Variants in CYP2C18 observed in about 807,000 individuals in gnomAD.
The protein encoded by CYP2C18 is cytochrome P450 2C18.
A neutral mutation model predicts 41.3 loss-of-function variants in CYP2C18; 38 were observed. The observed-to-expected ratio is 0.92, with a 90% CI of 0.71 to 1.21. The LOEUF is 1.21. Ranked by LOEUF, CYP2C18 falls within the 50% of genes most tolerant of loss-of-function variation. The pLI is 0.00. For synonymous variants in CYP2C18, 236 were observed against 210.0 expected (o/e 1.12, Z -1.07); for missense variants, 635 against 591.4 (o/e 1.07, Z -0.77).
rs1225098595 is a variant in CYP2C18, at chr10:94,706,815, A to G, written c.674A>G (p.Tyr225Cys). The part of the protein sequence containing the change: ...VCNNFPALID[Y>C]LPGSHNKIAE... ...AATAATTTCCCTGCTCTCATCGATT[A>G]TCTCCCAGGAAGTCATAATAAAATA... The change falls in exon 5 of 9, where the codon TAT becomes TGT. Residue 225 changes from tyrosine (Y) to cysteine (C), a missense_variant. Transcript: ENST00000285979. The G allele has an allele frequency of 3.7e-6, 6 of 1,601,008 alleles. No homozygotes were observed. Among genetic ancestry groups the G allele is most frequent in the Non-Finnish European group, 5.1e-6 (6 of 1,171,390 alleles).
chr10:94,692,896 T>C (rs1161194508), intron 3 of CYP2C18, among the ~76,000 whole-genome samples: 1 of 151,880 alleles, frequency 6.6e-6, no homozygotes, highest in Non-Finnish European at 1.5e-5. Context: ...CTGGAAACCA[T>C]CATTCTGAGC....
rs117634501 is a variant in CYP2C18, at chr10:94,685,234, A to G, written c.168+1247A>G. Reference sequence around the variant, plus strand: ...TGCTTTGTAGAGATGTGGTCTCATTATGTTGTCCAGGCTGGTCTTGAACTC... The same window carrying G: ...TGCTTTGTAGAGATGTGGTCTCATTGTGTTGTCCAGGCTGGTCTTGAACTC... On this transcript the variant is annotated intron_variant, in intron 1 of 8. Coordinates refer to ENST00000285979, the MANE Select transcript of CYP2C18 (RefSeq NM_000772.3). Among the ~76,000 whole-genome samples, 871 of 152,102 alleles carry G rather than the reference A, an allele frequency of 5.7e-3. 5 individuals carry two copies. Among genetic ancestry groups the G allele is most frequent in the Non-Finnish European group, 9.9e-3 (675 of 67,978 alleles).
intron 8 of CYP2C18, among the ~76,000 whole-genome samples, chr10:94,734,396 A>G (rs1301759943): frequency 6.6e-6 from 1 of 152,136 alleles, no homozygotes. Context: ...GCCTTCTTTT[A>G]AGGATTTCAC....
chr10:94,701,635 AAG>A (rs1847247694), intron 4 of CYP2C18, among the ~76,000 whole-genome samples: 1 of 152,210 alleles, frequency 6.6e-6, no homozygotes, highest in African/African-American at 2.4e-5. Flanking sequence ...TAATTAAAAA[AAG>A]AAATTCCTCT....
intron 4 of CYP2C18, among the ~76,000 whole-genome samples, chr10:94,698,331 T>C (rs1398601608): frequency 6.6e-6 from 1 of 152,106 alleles, no homozygotes; most frequent in East Asian, 1.9e-4. Context: ...AGAAACTCAC[T>C]CAAAACCCCT....
chr10:94,707,921 A>T (rs1847370761), intron 5 of CYP2C18, among the ~76,000 whole-genome samples: 1 of 152,096 alleles, frequency 6.6e-6, no homozygotes, highest in Non-Finnish European at 1.5e-5. Flanking sequence ...GGTAGGGTCA[A>T]TATGGAAACT....
chr10:94,725,392 A>G (rs1364281868), intron 7 of CYP2C18, among the ~76,000 whole-genome samples: 4 of 151,824 alleles, frequency 2.6e-5, no homozygotes, highest in East Asian at 1.9e-4. Flanking sequence ...TGTAATTTCT[A>G]TGTATTCTGT....
intron 5 of CYP2C18, among the ~76,000 whole-genome samples, chr10:94,708,039 A>G (rs1374768840): frequency 6.6e-6 from 1 of 152,220 alleles, no homozygotes; most frequent in Non-Finnish European, 1.5e-5. Flanking sequence ...TCTAGAGAAT[A>G]AAATCTTTCC....
chr10:94,697,524 A>T (rs1847141064), intron 4 of CYP2C18, among the ~76,000 whole-genome samples: 1 of 152,224 alleles, frequency 6.6e-6, no homozygotes, highest in Admixed American at 6.5e-5. Context: ...CACTGCAAAA[A>T]CATACCAAAT....
intron 4 of CYP2C18, among the ~76,000 whole-genome samples, chr10:94,695,383 A>G (rs182691923): frequency 1.5e-4 from 23 of 152,130 alleles, no homozygotes; most frequent in Admixed American, 1.4e-3. Flanking sequence ...AAGAGTGAAA[A>G]CATGCAGTGT....
Position 94,730,707 on chromosome 10 carries a change from G to A in CYP2C18, c.1150-2590G>A, listed in dbSNP as rs538562295. ...ATCAGGCAAGAGGAAGAAAGAAAACGTATTCAAATAGGAAAAGAATAAATC... is the reference window on the plus strand; with the variant it reads ...ATCAGGCAAGAGGAAGAAAGAAAACATATTCAAATAGGAAAAGAATAAATC... On this transcript the variant is annotated intron_variant, in intron 7 of 8. Transcript: ENST00000285979. 3.9e-5 allele frequency among the ~76,000 whole-genome samples: 6 copies of A among 152,184 alleles called. No individual in the cohort carries two copies. In the East Asian group the frequency reaches 5.8e-4, roughly 15 times the overall value.
At chr10:94,732,724 G>C (rs1340197531) in intron 7 of CYP2C18, among the ~76,000 whole-genome samples, 1 of 151,968 alleles carries the variant, frequency 6.6e-6, no homozygotes, top group Non-Finnish European at 1.5e-5. Flanking sequence ...ACCAAATATT[G>C]TACGTTCTCA....
intron 3 of CYP2C18, among the ~76,000 whole-genome samples, chr10:94,694,026 A>T (rs1360023709): frequency 6.6e-6 from 1 of 152,172 alleles, no homozygotes. Flanking sequence ...TGATGGAATT[A>T]CCTAAATGAT....
chr10:94,730,460 A>C (rs1847808415), intron 7 of CYP2C18, among the ~76,000 whole-genome samples: 1 of 152,128 alleles, frequency 6.6e-6, no homozygotes, highest in Admixed American at 6.6e-5. Flanking sequence ...TACATCCAGA[A>C]CTCTGTACAG....
intron 5 of CYP2C18, among the ~76,000 whole-genome samples, chr10:94,712,158 A>ATT (rs201742942): frequency 0.17 from 23,444 of 141,878 alleles, 2,042 homozygotes; most frequent in South Asian, 0.32. Flanking sequence ...TCTTTTTCCA[A>ATT]TTTTTTTTTT....
chr10:94,701,505 T>G (rs941370378), intron 4 of CYP2C18, among the ~76,000 whole-genome samples: 9 of 152,056 alleles, frequency 5.9e-5, no homozygotes, highest in Non-Finnish European at 2.9e-5. Context: ...CATTAGGAGA[T>G]ACACCTAATG....
chr10:94,700,935 A>C (rs7923324), intron 4 of CYP2C18, among the ~76,000 whole-genome samples: 1 of 151,954 alleles, frequency 6.6e-6, no homozygotes, highest in Non-Finnish European at 1.5e-5. Flanking sequence ...TCTCACACCA[A>C]TTAGAATGGT....
chr10:94,725,430 T>G (rs1847723266), intron 7 of CYP2C18, among the ~76,000 whole-genome samples: 1 of 152,066 alleles, frequency 6.6e-6, no homozygotes, highest in Non-Finnish European at 1.5e-5. Context: ...ATTTTATTTC[T>G]TATTTTTCAA....
intron 1 of CYP2C18, among the ~76,000 whole-genome samples, chr10:94,685,942 T>C (rs999089196): frequency 2.6e-5 from 4 of 152,130 alleles, no homozygotes; most frequent in Non-Finnish European, 5.9e-5. Context: ...AGATTAAAAT[T>C]TTGATAGGGA....
Sources: allele counts gnomAD v4.1 joint callset (sites outside exome capture counted in the v4.1 genomes callset), GRCh38; gene constraint gnomAD v4.1.1; transcripts MANE v1.5; gene names NCBI Gene and HGNC (gene_info 2026-07-23, HGNC 2026-07-21).